NRXN3: variants seen among roughly 807,000 people sequenced by gnomAD.
NRXN3 encodes the protein neurexin 3.
Under a neutral mutation model 137.6 loss-of-function variants are expected in NRXN3, and 32 were observed. The ratio of observed to expected loss-of-function variants is 0.23; its 90% CI spans 0.18 to 0.31. NRXN3 has a LOEUF of 0.31. Ranked by LOEUF, NRXN3 falls within the 10% of genes least tolerant of loss-of-function variation. The pLI is 1.00. For missense variants in NRXN3, 1,574 were observed against 2,062.5 expected (o/e 0.76, Z 4.59); for synonymous variants, 798 against 784.5 (o/e 1.02, Z -0.29).
chr14:79,359,047 A>G (rs937125975), intron 15 of NRXN3, among the ~76,000 whole-genome samples: 1 of 152,204 alleles, frequency 6.6e-6, no homozygotes, highest in Non-Finnish European at 1.5e-5. Flanking sequence ...AAATAACTAC[A>G]TATGTTTGCA....
chr14:79,397,672 G>T (rs1188644159), intron 15 of NRXN3, among the ~76,000 whole-genome samples: 1 of 152,148 alleles, frequency 6.6e-6, no homozygotes, highest in African/African-American at 2.4e-5. Flanking sequence ...TCAAACCCAA[G>T]AATCCATAAA....
At chr14:79,110,296 C>T (rs549669374) in intron 15 of NRXN3, among the ~76,000 whole-genome samples, 3 of 152,324 alleles carry the variant, frequency 2.0e-5, no homozygotes, top group East Asian at 3.9e-4. Context: ...AGAGCATCTG[C>T]GAGACGGCTT....
At position 79,762,328 on chromosome 14, in the gene NRXN3, A is replaced by G. The variant is rs114293805; in HGVS notation, c.4015-42784A>G. Among the ~76,000 whole-genome samples, 180 of 151,802 alleles carry G rather than the reference A, an allele frequency of 1.2e-3. 7 individuals carry two copies. Among genetic ancestry groups the G allele is most frequent in the African/African-American group, 3.6e-3 (149 of 41,080 alleles). ...CATAATCTGATTTATGAAATGCTGC[A>G]CTCGCATGCTCAAGTAGTTAGAAAG... is the stretch of plus-strand genomic sequence containing the variant. On this transcript the variant is annotated intron_variant, in intron 19 of 20. Transcript: ENST00000335750.
At chr14:78,457,776 AG>A (rs2094792743) in intron 4 of NRXN3, among the ~76,000 whole-genome samples, 1 of 152,198 alleles carries the variant, frequency 6.6e-6, no homozygotes. Flanking sequence ...CACTGCTGTC[AG>A]GGTACATAAT....
intron 8 of NRXN3, among the ~76,000 whole-genome samples, chr14:78,739,342 CTTATGGTTACA>C (rs1371154161): frequency 2.6e-5 from 4 of 152,216 alleles, no homozygotes; most frequent in African/African-American, 9.6e-5. Flanking sequence ...GGTTTGTTAC[CTTATGGTTACA>C]ATATGGTTCC....
At chr14:79,458,487 A>G (rs965345390) in intron 15 of NRXN3, among the ~76,000 whole-genome samples, 1 of 152,172 alleles carries the variant, frequency 6.6e-6, no homozygotes, top group Non-Finnish European at 1.5e-5. Flanking sequence ...GGCAACGTGA[A>G]GATATGTAAG....
chr14:79,664,784 T>G (rs2098550110), intron 17 of NRXN3, among the ~76,000 whole-genome samples: 1 of 152,124 alleles, frequency 6.6e-6, no homozygotes, highest in African/African-American at 2.4e-5. Context: ...GGGACAACCC[T>G]TCAGCAAAGG....
chr14:79,110,237 A>G (rs1444688586), intron 15 of NRXN3, among the ~76,000 whole-genome samples: 1 of 152,372 alleles, frequency 6.6e-6, no homozygotes, highest in East Asian at 1.9e-4. Flanking sequence ...GAGTTAAGAC[A>G]CATTGTACGT....
chr14:78,931,674 T>G (rs1202233653), intron 10 of NRXN3, among the ~76,000 whole-genome samples: 1 of 152,036 alleles, frequency 6.6e-6, no homozygotes, highest in Non-Finnish European at 1.5e-5. Context: ...TCTGAAAAAA[T>G]CTGTTCTCTT....
intron 17 of NRXN3, among the ~76,000 whole-genome samples, chr14:79,667,353 AT>A (rs2098566460): frequency 6.6e-6 from 1 of 152,072 alleles, no homozygotes; most frequent in Non-Finnish European, 1.5e-5. Context: ...TAGAAGATTT[AT>A]GTTAAGTTAT....
At position 78,561,130 on chromosome 14, in the gene NRXN3, G is replaced by A. The variant is rs191564060; in HGVS notation, c.758-83990G>A. ...GGACGTTCAGGGACCTATACGCTCA[G>A]AAGCTTGGCTGCTTTTTGATGTGAC... On this transcript the variant is annotated intron_variant, in intron 4 of 20. Transcript: ENST00000335750. Among the ~76,000 whole-genome samples the A allele has an allele frequency of 2.6e-4, 40 of 152,316 alleles. No homozygotes were observed. The East Asian group carries it at 7.7e-3, about 29-fold the overall frequency.
At chr14:78,305,406 T>G (rs2077270221) in intron 4 of NRXN3, among the ~76,000 whole-genome samples, 1 of 152,198 alleles carries the variant, frequency 6.6e-6, no homozygotes, top group Non-Finnish European at 1.5e-5. Flanking sequence ...TCTAGTCCTT[T>G]AAAGTTCAGA....
chr14:78,758,581 A>C (rs879918463), intron 8 of NRXN3, among the ~76,000 whole-genome samples: 14 of 152,230 alleles, frequency 9.2e-5, no homozygotes, highest in Non-Finnish European at 2.1e-4. Context: ...GAGCAGTTCC[A>C]GACAGCTCTT....
chr14:79,465,857 T>C (rs2096414833), intron 15 of NRXN3, among the ~76,000 whole-genome samples: 1 of 152,234 alleles, frequency 6.6e-6, no homozygotes, highest in African/African-American at 2.4e-5. Flanking sequence ...GTATTCGCTA[T>C]GGGTAACACC....
chr14:78,888,464 T>G (rs761574775), intron 10 of NRXN3, among the ~76,000 whole-genome samples: 2 of 152,046 alleles, frequency 1.3e-5, no homozygotes, highest in Non-Finnish European at 2.9e-5. Context: ...CTAGAAACAA[T>G]GTAAGACAAT....
intron 15 of NRXN3, among the ~76,000 whole-genome samples, chr14:79,412,188 T>C (rs2095426515): frequency 6.6e-6 from 1 of 152,140 alleles, no homozygotes; most frequent in African/African-American, 2.4e-5. Flanking sequence ...ATTTGCTTGC[T>C]CCTTGACGTT....
intron 1 of NRXN3, among the ~76,000 whole-genome samples, chr14:78,192,773 T>C (rs1216382491): frequency 6.6e-6 from 1 of 152,154 alleles, no homozygotes; most frequent in Non-Finnish European, 1.5e-5. Context: ...ACGCAAAAAC[T>C]GCACAAAGAG....
At chr14:78,971,443 C>T (rs111581526) in intron 14 of NRXN3, among the ~76,000 whole-genome samples, 5,219 of 135,012 alleles carry the variant, frequency 0.039, 246 homozygotes, top group African/African-American at 0.12. Flanking sequence ...TATATATATA[C>T]ACACACACAC....
intron 8 of NRXN3, among the ~76,000 whole-genome samples, chr14:78,795,018 C>A (rs2098817292): frequency 6.6e-6 from 1 of 152,052 alleles, no homozygotes; most frequent in Non-Finnish European, 1.5e-5. Flanking sequence ...TTATTTGAGC[C>A]CAGGAATTCA....
Sources: allele counts gnomAD v4.1 joint callset (sites outside exome capture counted in the v4.1 genomes callset), GRCh38; gene constraint gnomAD v4.1.1; transcripts MANE v1.5; gene names NCBI Gene and HGNC (gene_info 2026-07-23, HGNC 2026-07-21).